Variants in DLGAP4 observed in about 807,000 individuals in gnomAD.
The protein encoded by DLGAP4 is DLG associated protein 4.
DLGAP4 carries 18 observed loss-of-function variants against 86.9 expected under a neutral mutation model. The observed-to-expected ratio is 0.21, with a 90% CI of 0.14 to 0.31. DLGAP4 has a LOEUF of 0.31. DLGAP4 is among the 10% of genes least tolerant of loss of function. The pLI is 1.00. For missense variants in DLGAP4, 1,085 were observed against 1,362.6 expected (o/e 0.80, Z 3.21); for synonymous variants, 548 against 574.3 (o/e 0.95, Z 0.65).
chr20:36,357,398 C>T (rs1167833362), intron 1 of DLGAP4, among the ~76,000 whole-genome samples: 1 of 152,198 alleles, frequency 6.6e-6, no homozygotes, highest in Non-Finnish European at 1.5e-5. Context: ...CTAAAATCAC[C>T]CCAACCTGGG....
intron 2 of DLGAP4, among the ~76,000 whole-genome samples, chr20:36,382,272 T>A (rs1397891911): frequency 6.6e-6 from 1 of 151,970 alleles, no homozygotes; most frequent in Non-Finnish European, 1.5e-5. Context: ...CAGACTGGAA[T>A]GCAGTGGGGC....
intron 7 of DLGAP4, among the ~76,000 whole-genome samples, chr20:36,494,837 G>A (rs1478020617): frequency 1.3e-5 from 2 of 152,104 alleles, no homozygotes; most frequent in Non-Finnish European, 2.9e-5. Flanking sequence ...TTATAGGCCA[G>A]GCACAGTGGC....
intron 1 of DLGAP4, among the ~76,000 whole-genome samples, chr20:36,353,292 C>A (rs782193231): frequency 6.6e-6 from 1 of 152,190 alleles, no homozygotes; most frequent in South Asian, 2.1e-4. Context: ...CACTGCCCTG[C>A]GGCAGGTCCT....
At chr20:36,462,663 C>T in intron 7 of DLGAP4, 2 of 1,546,198 alleles carry the variant, frequency 1.3e-6, no homozygotes, top group Non-Finnish European at 1.7e-6. Flanking sequence ...GCCGAGGCTC[C>T]ATGGGGTTGG....
intron 2 of DLGAP4, among the ~76,000 whole-genome samples, chr20:36,415,699 A>T (rs2147509501): frequency 6.6e-6 from 1 of 152,200 alleles, no homozygotes; most frequent in African/African-American, 2.4e-5. Context: ...CAAACTCAAG[A>T]AGGCTGGCTC....
intron 1 of DLGAP4, among the ~76,000 whole-genome samples, chr20:36,336,709 C>T (rs561351598): frequency 1.3e-5 from 2 of 152,304 alleles, no homozygotes; most frequent in African/African-American, 4.8e-5. Flanking sequence ...CTGGAGGGCC[C>T]AGAGGGCAGC....
intron 2 of DLGAP4, among the ~76,000 whole-genome samples, chr20:36,430,040 A>G (rs1339016950): frequency 6.6e-6 from 1 of 152,216 alleles, no homozygotes; most frequent in East Asian, 1.9e-4. Context: ...ACTCCCACGT[A>G]CAGGGCCGGT....
chr20:36,489,087 G>C (rs1285013122), intron 7 of DLGAP4, among the ~76,000 whole-genome samples: 9 of 152,184 alleles, frequency 5.9e-5, no homozygotes, highest in Admixed American at 5.9e-4. Flanking sequence ...AATGGGAAAA[G>C]TATAGCACTA....
At chr20:36,336,155 C>G (rs1236826550) in intron 1 of DLGAP4, among the ~76,000 whole-genome samples, 5 of 152,184 alleles carry the variant, frequency 3.3e-5, no homozygotes, top group Non-Finnish European at 5.9e-5. Flanking sequence ...CATTTCCATC[C>G]TCGTAACCAC....
At chr20:36,501,646 T>G (rs1234573353) in intron 10 of DLGAP4, among the ~76,000 whole-genome samples, 1 of 152,040 alleles carries the variant, frequency 6.6e-6, no homozygotes, top group Non-Finnish European at 1.5e-5. Context: ...GTGGCTCTGG[T>G]TCCCATTGAG....
chr20:36,349,431 A>AG (rs2030067269), intron 1 of DLGAP4, among the ~76,000 whole-genome samples: 1 of 152,094 alleles, frequency 6.6e-6, no homozygotes, highest in Non-Finnish European at 1.5e-5. Flanking sequence ...AAAAAAAAAA[A>AG]AAAGTGAGAT....
chr20:36,441,541 T>A (rs1444092724), intron 5 of DLGAP4, among the ~76,000 whole-genome samples: 2 of 152,220 alleles, frequency 1.3e-5, no homozygotes. Flanking sequence ...TGTCTCCCTC[T>A]TAAAACTAGG....
intron 7 of DLGAP4, among the ~76,000 whole-genome samples, chr20:36,455,396 G>A (rs575213300): frequency 7.6e-4 from 116 of 152,308 alleles, no homozygotes; most frequent in Admixed American, 2.4e-3. Flanking sequence ...GGCCTGGGCA[G>A]GCAAGGTGGT....
Position 36,306,522 on chromosome 20 carries a change from CG to C in DLGAP4, c.-304+15del. ...GAGGCGCCCGGCGCAGGTGAGGGCG[CG>C]GGGGTGGCGCGCGGCGGCTCCTACC... On this transcript the variant is annotated intron_variant, in intron 1 of 12. Transcript: ENST00000339266. The surrounding 1 kb of genome is among the most constrained non-coding windows in gnomAD (Gnocchi z 4.9). 6.6e-6 allele frequency: 1 copy of C among 151,836 alleles called. No individual in the cohort carries two copies. The highest frequency in any genetic ancestry group is 1.8e-4 in the South Asian group (1 of 5,444). The allele number at this position is 151,836 out of a possible 1,614,324, so 9.4% of individuals were successfully genotyped here.
chr20:36,502,044 G>A (rs537761005), intron 10 of DLGAP4, among the ~76,000 whole-genome samples: 1 of 152,130 alleles, frequency 6.6e-6, no homozygotes, highest in African/African-American at 2.4e-5. Flanking sequence ...TTTAAAAAAT[G>A]TGACTGATTA....
At chr20:36,313,134 C>T (rs2065067600) in intron 1 of DLGAP4, among the ~76,000 whole-genome samples, 1 of 152,148 alleles carries the variant, frequency 6.6e-6, no homozygotes. Context: ...TGCCCTCTAT[C>T]TTCCAGCTCC....
chr20:36,509,481 G>C (rs1287221885), intron 10 of DLGAP4, among the ~76,000 whole-genome samples: 1 of 152,108 alleles, frequency 6.6e-6, no homozygotes, highest in East Asian at 1.9e-4. Context: ...TGAGGCAGGA[G>C]AATCGCTTGA....
chr20:36,346,963 A>G (rs2029962497), intron 1 of DLGAP4, among the ~76,000 whole-genome samples: 1 of 152,212 alleles, frequency 6.6e-6, no homozygotes, highest in Non-Finnish European at 1.5e-5. Flanking sequence ...CTTGGGCAGC[A>G]CACTGGGGAC....
chr20:36,357,201 C>T (rs1228275618), intron 1 of DLGAP4, among the ~76,000 whole-genome samples: 1 of 152,182 alleles, frequency 6.6e-6, no homozygotes, highest in Non-Finnish European at 1.5e-5. Flanking sequence ...CTCGTCCTCC[C>T]CCAGAGCACA....
Sources: allele counts gnomAD v4.1 joint callset (sites outside exome capture counted in the v4.1 genomes callset), GRCh38; gene constraint gnomAD v4.1.1; non-coding constraint Gnocchi (gnomAD v3.1); transcripts MANE v1.5; gene names NCBI Gene and HGNC (gene_info 2026-07-23, HGNC 2026-07-21).